Variants in RANBP2 observed in about 807,000 individuals in gnomAD.
RANBP2 encodes RAN binding protein 2, also known as E3 SUMO-protein ligase RanBP2.
In RANBP2, 57 loss-of-function variants were observed where a neutral mutation model predicts 303.6. The ratio of observed to expected loss-of-function variants is 0.19; its 90% CI spans 0.15 to 0.23. The LOEUF (loss-of-function observed/expected upper bound fraction) is 0.23, where lower values mean the gene tolerates loss of function less well. Ranked by LOEUF, RANBP2 falls within the 10% of genes least tolerant of loss-of-function variation. RANBP2 has a pLI of 1.00. For missense variants in RANBP2, 3,138 were observed against 3,780.8 expected (o/e 0.83, Z 4.46); for synonymous variants, 1,167 against 1,301.5 (o/e 0.90, Z 2.23).
At chr2:109,390,913 G>A in the RANBP2 span, among the ~76,000 whole-genome samples, 1 of 152,154 alleles carries the variant, frequency 6.6e-6, no homozygotes, top group Admixed American at 6.5e-5. Flanking sequence ...ATGCTGCTGT[G>A]GGCTGTGTGA....
chr2:109,734,467 A>G, the RANBP2 span, among the ~76,000 whole-genome samples: 1 of 152,196 alleles, frequency 6.6e-6, no homozygotes, highest in African/African-American at 2.4e-5. Context: ...ATAAAAGATA[A>G]AAACTACAAA....
At chr2:109,093,406 T>TAAAAAAAAAAAAAAAAAAAA in the RANBP2 span, among the ~76,000 whole-genome samples, 5 of 90,694 alleles carry the variant, frequency 5.5e-5, no homozygotes, top group Non-Finnish European at 1.1e-4. Context: ...CGGAGATTTG[T>TAAAAAAAAAAAAAAAAAAAA]AAAAAAAAAA....
At chr2:109,117,733 C>T in the RANBP2 span, among the ~76,000 whole-genome samples, 2 of 123,902 alleles carry the variant, frequency 1.6e-5, no homozygotes, top group Non-Finnish European at 3.2e-5. Flanking sequence ...GCGTCGCTCA[C>T]GTTGGGAGCT....
At chr2:108,836,071 C>T in the RANBP2 span, among the ~76,000 whole-genome samples, 6 of 152,200 alleles carry the variant, frequency 3.9e-5, no homozygotes, top group African/African-American at 1.4e-4. Flanking sequence ...AGATCCTCAC[C>T]TCTCAACACT....
At chr2:109,332,025 C>T in the RANBP2 span, among the ~76,000 whole-genome samples, 5 of 152,278 alleles carry the variant, frequency 3.3e-5, no homozygotes, top group East Asian at 3.9e-4. Flanking sequence ...CAGCGGTTAC[C>T]GGAAATCTGT....
chr2:109,026,369 T>A, the RANBP2 span, among the ~76,000 whole-genome samples: 1 of 145,860 alleles, frequency 6.9e-6, no homozygotes, highest in Admixed American at 7.2e-5. Context: ...GCTCAAGCGA[T>A]CTTCCTGCTT....
chr2:108,929,450 C>T, the RANBP2 span: 1 of 1,524,696 alleles, frequency 6.6e-7, no homozygotes, highest in Non-Finnish European at 9.1e-7. Flanking sequence ...GGCCCACAGT[C>T]CTTGGGCAGT....
At chr2:109,524,464 A>AAC in the RANBP2 span, among the ~76,000 whole-genome samples, 2 of 53,232 alleles carry the variant, frequency 3.8e-5, no homozygotes, top group South Asian at 1.1e-3. Context: ...AAAAAAAAAA[A>AAC]AACAAAACAA....
the RANBP2 span, among the ~76,000 whole-genome samples, chr2:109,095,140 C>G: frequency 6.6e-6 from 1 of 150,756 alleles, no homozygotes; most frequent in Non-Finnish European, 1.5e-5. Context: ...CTAGATAAGG[C>G]CTGGGAACAT....
intron 7 of RANBP2, among the ~76,000 whole-genome samples, chr2:108,743,274 T>C (rs1245982562): frequency 6.6e-6 from 1 of 152,048 alleles, no homozygotes; most frequent in Non-Finnish European, 1.5e-5. Context: ...CTAAAATTTT[T>C]TGATATGTAG....
At chr2:108,862,177 G>A in the RANBP2 span, among the ~76,000 whole-genome samples, 28 of 150,902 alleles carry the variant, frequency 1.9e-4, 2 homozygotes, top group South Asian at 5.9e-3. Context: ...TGTGGTTGTG[G>A]GAATGACCCA....
intron 20 of RANBP2, among the ~76,000 whole-genome samples, chr2:108,771,359 T>A (rs1274523694): frequency 6.6e-6 from 1 of 152,134 alleles, no homozygotes; most frequent in African/African-American, 2.4e-5. Flanking sequence ...AACTATTGTA[T>A]GCTAAGTATA....
the RANBP2 span, among the ~76,000 whole-genome samples, chr2:108,942,524 G>A: frequency 2.0e-5 from 3 of 152,242 alleles, no homozygotes; most frequent in Non-Finnish European, 4.4e-5. Flanking sequence ...GAACCACGGC[G>A]ACGGCAGGGG....
chr2:108,847,933 C>T, the RANBP2 span, among the ~76,000 whole-genome samples: 1 of 152,048 alleles, frequency 6.6e-6, no homozygotes, highest in Non-Finnish European at 1.5e-5. Flanking sequence ...AGGTCACTTA[C>T]GAGAAGCAGG....
chr2:109,524,444 CAAAA>C, the RANBP2 span, among the ~76,000 whole-genome samples: 95 of 84,404 alleles, frequency 1.1e-3, no homozygotes, highest in African/African-American at 5.8e-3. Context: ...GACCCTGTCT[CAAAA>C]AAAAAAAAAA....
chr2:109,528,897 G>A, the RANBP2 span, among the ~76,000 whole-genome samples: 1 of 152,190 alleles, frequency 6.6e-6, no homozygotes, highest in Non-Finnish European at 1.5e-5. Context: ...AGGCCGGCAC[G>A]AACTGAGGAG....
At chr2:108,976,848 C>T in the RANBP2 span, among the ~76,000 whole-genome samples, 1 of 151,928 alleles carries the variant, frequency 6.6e-6, no homozygotes, top group Non-Finnish European at 1.5e-5. Flanking sequence ...CTTTCTGGCA[C>T]TACAAGGTGC....
chr2:108,985,551 C>T, the RANBP2 span, among the ~76,000 whole-genome samples: 1 of 152,182 alleles, frequency 6.6e-6, no homozygotes, highest in Admixed American at 6.5e-5. Flanking sequence ...TACATGTGTA[C>T]GTAGGTGTAT....
the RANBP2 span, among the ~76,000 whole-genome samples, chr2:109,206,683 G>A: frequency 1.3e-5 from 2 of 151,950 alleles, no homozygotes; most frequent in South Asian, 4.2e-4. Context: ...GGGCATATTA[G>A]TGTATGCTTA....
Sources: gnomAD v4.1 joint callset for allele counts (sites outside exome capture counted in the v4.1 genomes callset) on GRCh38, gnomAD v4.1.1 for gene constraint, MANE v1.5 for transcripts, NCBI Gene and HGNC (gene_info 2026-07-23, HGNC 2026-07-21) for gene names.